The following UTRN variants were observed in gnomAD, a reference collection of about 807,000 sequenced individuals.
The protein encoded by UTRN is utrophin.
In UTRN, 283 loss-of-function variants were observed where a neutral mutation model predicts 463.9. The ratio of observed to expected loss-of-function variants is 0.61; its 90% CI spans 0.55 to 0.67. UTRN has a LOEUF of 0.67. Among genes scored for constraint, UTRN ranks in the 30% least tolerant of loss-of-function variants. The pLI, the probability that UTRN is intolerant of heterozygous loss-of-function variation, is 0.00. For missense variants in UTRN, 3,922 were observed against 4,084.3 expected (o/e 0.96, Z 1.08); for synonymous variants, 1,442 against 1,431.5 (o/e 1.01, Z -0.17).
In UTRN at chr6:144,537,603, G is replaced by T. The variant is rs1297605530; in HGVS notation, c.6255G>T (p.Gln2085His). The change falls in exon 44 of 75, where the codon CAG becomes CAT. Residue 2085 changes from glutamine (Q) to histidine (H), a missense_variant. Physicochemically the swap from Gln to His is conservative, Grantham distance 24. This residue lies in a region of UTRN where 2,349 missense variants were observed against 2,303.8 expected (regional missense o/e 1.02). Coordinates refer to ENST00000367545, the MANE Select transcript of UTRN (RefSeq NM_007124.3). ...RQPRLKGESK[Q>H]VMKYRHQLDE... ...TTAGGCTAAAAGGAGAAAGTAAGCA[G>T]GTGATGAAGTACAGGCATCAGCTAG... 1 of 1,599,034 alleles carries T rather than the reference G, an allele frequency of 6.3e-7. No homozygotes were observed. Among genetic ancestry groups the T allele is most frequent in the Non-Finnish European group, 8.5e-7 (1 of 1,173,904 alleles).
chr6:144,595,808 C>T (rs6938409), intron 51 of UTRN, among the ~76,000 whole-genome samples: 23,830 of 152,090 alleles, frequency 0.16, 2,084 homozygotes, highest in South Asian at 0.27. Context: ...TCTCAAGTGG[C>T]TTTGCATAAT....
intron 50 of UTRN, among the ~76,000 whole-genome samples, chr6:144,559,664 T>C (rs547727456): frequency 1.8e-4 from 28 of 152,238 alleles, no homozygotes; most frequent in African/African-American, 6.7e-4. Flanking sequence ...TTCTCAACCT[T>C]TCTTTACATT....
chr6:144,590,119 C>T (rs1802875200), intron 51 of UTRN, among the ~76,000 whole-genome samples: 1 of 152,098 alleles, frequency 6.6e-6, no homozygotes, highest in African/African-American at 2.4e-5. Context: ...CCTCGGCCTT[C>T]CAAAGTTCCT....
chr6:144,330,679 G>A (rs1261827604), intron 2 of UTRN: 2 of 275,020 alleles, frequency 7.3e-6, no homozygotes, highest in Non-Finnish European at 1.1e-5. Flanking sequence ...GTTGTCACAC[G>A]TCTTCAGATT....
intron 73 of UTRN, among the ~76,000 whole-genome samples, chr6:144,843,843 A>T (rs1380849481): frequency 1.3e-5 from 2 of 152,224 alleles, no homozygotes; most frequent in African/African-American, 4.8e-5. Context: ...ATCTGATAAA[A>T]AGCTGTTGGT....
chr6:144,471,012 C>T lies in UTRN; in HGVS notation c.3067-2708C>T, dbSNP rs139416786. 9.9e-3 allele frequency among the ~76,000 whole-genome samples: 1,318 copies of T among 133,202 alleles called. 19 individuals are homozygous for T. The highest frequency in any genetic ancestry group is 0.035 in the African/African-American group (1,250 of 35,822). 87.4% of individuals were successfully genotyped at this position (133,202 alleles called of 152,430 possible). A position where few individuals can be genotyped will look rare whatever the true frequency, so the allele number is the denominator to read the frequency against. On this transcript the variant is annotated intron_variant, in intron 23 of 74. Transcript: ENST00000367545. The stretch of plus-strand genomic sequence containing the variant: ...CCTTGGCTCGGCATCAGAGGGAGAC[C>T]GTGCAAAGGGGAGAGGGAGACGAGG...
intron 61 of UTRN, among the ~76,000 whole-genome samples, chr6:144,787,670 T>C (rs1159514901): frequency 6.6e-6 from 1 of 152,128 alleles, no homozygotes. Flanking sequence ...GTAGTAAAAA[T>C]ATCAATAAAA....
At chr6:144,815,720 G>A (rs1305997711) in intron 65 of UTRN, among the ~76,000 whole-genome samples, 1 of 152,206 alleles carries the variant, frequency 6.6e-6, no homozygotes, top group Non-Finnish European at 1.5e-5. Context: ...ATTAGATGGT[G>A]CCCACTGATT....
At chr6:144,734,707 C>G (rs1157720478) in intron 54 of UTRN, among the ~76,000 whole-genome samples, 1 of 152,222 alleles carries the variant, frequency 6.6e-6, no homozygotes, top group African/African-American at 2.4e-5. Flanking sequence ...GCCCCCACTA[C>G]CCCTTGGATG....
chr6:144,401,294 C>A (rs2114792831), intron 2 of UTRN, among the ~76,000 whole-genome samples: 2 of 152,200 alleles, frequency 1.3e-5, no homozygotes, highest in East Asian at 3.9e-4. Flanking sequence ...TCCAAATGCC[C>A]TAAACACTGA....
chr6:144,571,693 G>T (rs1462335566), intron 50 of UTRN, among the ~76,000 whole-genome samples: 4 of 152,236 alleles, frequency 2.6e-5, no homozygotes, highest in Non-Finnish European at 2.9e-5. Flanking sequence ...AAAAACTGAG[G>T]TTTACTGTAA....
rs1792918604 is a variant in UTRN at position 144,490,160 on chromosome 6, T to C, written c.4224T>C (p.Ser1408=). The change falls in exon 31 of 75, where the codon AGT becomes AGC. Residue 1408 remains serine, a synonymous_variant. Transcript: ENST00000367545. ...CTCAGCCCCTGACCTCCCCAGAGAG[T>C]AGGACTGCCAGAGGAGGAAGTCAGA... The part of the protein sequence containing the change: ...MRSQPLTSPE[S]RTARGGSQMD... 1.2e-6 allele frequency: 2 copies of C among 1,613,158 alleles called. No individual in the cohort carries two copies. Among genetic ancestry groups the C allele is most frequent in the South Asian group, 1.1e-5 (1 of 91,022 alleles).
At chr6:144,295,012 G>A (rs1804558848) in intron 2 of UTRN, among the ~76,000 whole-genome samples, 1 of 152,156 alleles carries the variant, frequency 6.6e-6, no homozygotes, top group Non-Finnish European at 1.5e-5. Context: ...AAGTAGACCT[G>A]TCTTTCTCTA....
chr6:144,632,217 T>G (rs185836868), intron 51 of UTRN, among the ~76,000 whole-genome samples: 40 of 152,338 alleles, frequency 2.6e-4, no homozygotes, highest in Admixed American at 1.5e-3. Context: ...GGATCCTCTT[T>G]TTTTAACATT....
Position 144,426,405 on chromosome 6 carries a change from T to A in UTRN, c.524T>A (p.Phe175Tyr), listed in dbSNP as rs1168809412. ...TACAGCCAAGTCAACGTCCTCAACT[T>A]CACCACCAGCTGGACAGATGGACTC... ...RPYSQVNVLN[F>Y]TTSWTDGLAF... The change falls in exon 7 of 75, where the codon TTC becomes TAC. Residue 175 changes from phenylalanine to tyrosine, a missense_variant. Physicochemically the swap from Phe to Tyr is conservative, Grantham distance 22. Transcript: ENST00000367545. 3 of 1,614,008 alleles carry A rather than the reference T, an allele frequency of 1.9e-6. No individual in the cohort carries two copies. In the African/African-American group the frequency reaches 4.0e-5, roughly 22 times the overall value.
Position 144,438,751 on chromosome 6 carries a change from C to T in UTRN, c.1248C>T (p.His416=), listed in dbSNP as rs114118949. The change falls in exon 12 of 75, where the codon CAC becomes CAT. Residue 416 remains histidine (H), a synonymous_variant. Coordinates refer to ENST00000367545, the MANE Select transcript of UTRN (RefSeq NM_007124.3). ...CTGTGTTCCCCACGGACAGGCTGCACGATGTGCTGATGGAACTGCAGAAGA... is the reference window on the plus strand; with the variant it reads ...CTGTGTTCCCCACGGACAGGCTGCATGATGTGCTGATGGAACTGCAGAAGA... ...VESMDRQSRL[H]DVLMELQKKQ... 173 of 1,614,132 alleles carry T rather than the reference C, an allele frequency of 1.1e-4. 1 individual carries two copies. In the East Asian group the frequency reaches 2.6e-3, roughly 24 times the overall value.
At chr6:144,342,663 G>A (rs545375849) in intron 2 of UTRN, among the ~76,000 whole-genome samples, 9 of 152,272 alleles carry the variant, frequency 5.9e-5, no homozygotes, top group African/African-American at 2.2e-4. Context: ...GAAATGTACA[G>A]AATAGGTAAC....
Position 144,522,179 on chromosome 6 carries a change from T to C in UTRN, c.5733+8T>C. On this transcript the variant is annotated splice_region_variant and intron_variant, in intron 40 of 74. Coordinates refer to ENST00000367545, the MANE Select transcript of UTRN (RefSeq NM_007124.3). ...CAGGAAGACTCTCTGAAGGTAGACC[T>C]CTGGGCACTGTGTTTGAATGGCCAC... 6.7e-7 allele frequency: 1 copy of C among 1,498,642 alleles called. No individual in the cohort carries two copies. The highest frequency in any genetic ancestry group is 8.9e-7 in the Non-Finnish European group (1 of 1,124,246). The allele number at this position is 1,498,642 out of a possible 1,614,324, so 92.8% of individuals were successfully genotyped here.
At chr6:144,549,896 T>C (rs1335635506) in intron 47 of UTRN, among the ~76,000 whole-genome samples, 1 of 152,202 alleles carries the variant, frequency 6.6e-6, no homozygotes, top group African/African-American at 2.4e-5. Flanking sequence ...CCCTTTGGAT[T>C]TTTAGTCTGT....
Sources: allele counts gnomAD v4.1 joint callset (sites outside exome capture counted in the v4.1 genomes callset), GRCh38; gene constraint gnomAD v4.1.1; regional missense constraint gnomAD v4.1.1; transcripts MANE v1.5; gene names NCBI Gene and HGNC (gene_info 2026-07-23, HGNC 2026-07-21).